The following CACNA2D3 variants were observed in gnomAD, a reference collection of about 807,000 sequenced individuals.
The protein encoded by CACNA2D3 is calcium voltage-gated channel auxiliary subunit alpha2delta 3.
A neutral mutation model predicts 160.6 loss-of-function variants in CACNA2D3; 60 were observed. The observed-to-expected ratio is 0.37, with a 90% CI of 0.30 to 0.46. The LOEUF (loss-of-function observed/expected upper bound fraction) is 0.46, where lower values mean the gene tolerates loss of function less well. Among genes scored for constraint, CACNA2D3 ranks in the 20% least tolerant of loss-of-function variants. The pLI is 1.00. For synonymous variants in CACNA2D3, 558 were observed against 492.9 expected (o/e 1.13, Z -1.75); for missense variants, 1,205 against 1,365.0 (o/e 0.88, Z 1.85).
chr3:54,285,468 A>AGGCC (rs1325517082), intron 2 of CACNA2D3, among the ~76,000 whole-genome samples: 1 of 152,196 alleles, frequency 6.6e-6, no homozygotes, highest in Non-Finnish European at 1.5e-5. Flanking sequence ...CAGCTCAAGG[A>AGGCC]GGCCTGCCTG....
Position 54,670,095 on chromosome 3 carries a change from C to T in CACNA2D3, c.1167+27854C>T, listed in dbSNP as rs181221055. Among the ~76,000 whole-genome samples the T allele has an allele frequency of 1.8e-4, 27 of 152,258 alleles. 1 individual carries two copies. The highest frequency in any genetic ancestry group is 1.1e-3 in the Admixed American group (17 of 15,300). On this transcript the variant is annotated intron_variant, in intron 11 of 37. Transcript: ENST00000474759. ...TTGCTCTCCCCCACAGGAAGCTTGG[C>T]GAAAATTCTGCTGTAGAGTTCATGG...
At chr3:54,317,136 C>A (rs1337170505) in intron 2 of CACNA2D3, among the ~76,000 whole-genome samples, 1 of 152,148 alleles carries the variant, frequency 6.6e-6, no homozygotes, top group East Asian at 1.9e-4. Context: ...CAGCAAAGAG[C>A]TCCTGGGAAT....
chr3:54,301,697 A>G (rs961243294), intron 2 of CACNA2D3, among the ~76,000 whole-genome samples: 2 of 152,090 alleles, frequency 1.3e-5, no homozygotes, highest in African/African-American at 2.4e-5. Flanking sequence ...ATTTTATCCT[A>G]CCCCATGAAA....
At chr3:54,755,852 C>A (rs1460704441) in intron 12 of CACNA2D3, among the ~76,000 whole-genome samples, 4 of 152,024 alleles carry the variant, frequency 2.6e-5, no homozygotes, top group Non-Finnish European at 5.9e-5. Context: ...TTTCTTGCCA[C>A]ATCAGATTGC....
intron 29 of CACNA2D3, among the ~76,000 whole-genome samples, chr3:54,975,224 A>G (rs148570128): frequency 0.011 from 1,659 of 152,288 alleles, 28 homozygotes; most frequent in Middle Eastern, 0.068. Flanking sequence ...AGCAGTGTCT[A>G]TAAAGAAAAT....
At chr3:54,495,277 G>A (rs935144095) in intron 4 of CACNA2D3, among the ~76,000 whole-genome samples, 4 of 150,656 alleles carry the variant, frequency 2.7e-5, no homozygotes, top group African/African-American at 1.0e-4. Flanking sequence ...TTTAACTTGA[G>A]TTCTGTTTCT....
At chr3:54,826,914 G>A (rs989857148) in intron 14 of CACNA2D3, among the ~76,000 whole-genome samples, 8 of 152,184 alleles carry the variant, frequency 5.3e-5, no homozygotes, top group African/African-American at 1.9e-4. Flanking sequence ...AGTCTGGAAT[G>A]GTCTTTATGA....
chr3:54,549,952 A>G (rs988486631), intron 5 of CACNA2D3, among the ~76,000 whole-genome samples: 1 of 152,172 alleles, frequency 6.6e-6, no homozygotes, highest in Middle Eastern at 3.2e-3. Context: ...ATGAGAAGAG[A>G]CTTCCCTGAG....
intron 2 of CACNA2D3, among the ~76,000 whole-genome samples, chr3:54,293,071 C>A (rs895470382): frequency 1.1e-4 from 16 of 152,172 alleles, no homozygotes; most frequent in Non-Finnish European, 2.1e-4. Context: ...ATAAATCAGA[C>A]ACAAAAGGAC....
intron 9 of CACNA2D3, among the ~76,000 whole-genome samples, chr3:54,584,075 C>A (rs1377026963): frequency 6.6e-6 from 1 of 151,954 alleles, no homozygotes; most frequent in East Asian, 1.9e-4. Context: ...ATGCATACCC[C>A]CTTGGCCCTT....
rs746074552 is a variant in CACNA2D3, at chr3:55,074,154, C to T, written c.3224C>T (p.Ala1075Val). 6 of 1,613,878 alleles carry T rather than the reference C, an allele frequency of 3.7e-6. No homozygotes were observed. The South Asian group carries it at 6.6e-5, about 18-fold the overall frequency. ...TGTGGGGGTGCGCCGAGTCTCCAAG[C>T]CCAGACAGTCCTCCTTCTGCTCCCT... The part of the protein sequence containing the change: ...RECGGAPSLQ[A>V]QTVLLLLPLL... Residue 1075 changes from alanine (A) to valine (V), a missense_variant, in exon 38 of 38, where the codon GCC (alanine) becomes GTC (valine). This residue lies in a region of CACNA2D3 where 911 missense variants were observed against 1,002.2 expected (regional missense o/e 0.91). Coordinates refer to ENST00000474759, the MANE Select transcript of CACNA2D3 (RefSeq NM_018398.3).
intron 22 of CACNA2D3, 25 bp from the exon 23 acceptor site, chr3:54,885,464 G>C (rs1168708975): frequency 1.2e-6 from 2 of 1,604,852 alleles, no homozygotes; most frequent in African/African-American, 2.7e-5. Context: ...ACATGCTCTT[G>C]TTTTGGGCCA....
intron 4 of CACNA2D3, among the ~76,000 whole-genome samples, chr3:54,422,656 A>AAAT (rs202046541): frequency 1.7e-3 from 255 of 152,236 alleles, no homozygotes; most frequent in African/African-American, 5.8e-3. Context: ...TCAGTTGGCA[A>AAAT]AATAATAATG....
intron 35 of CACNA2D3, among the ~76,000 whole-genome samples, chr3:55,025,075 G>A (rs2125543): frequency 0.32 from 48,617 of 152,034 alleles, 8,091 homozygotes; most frequent in South Asian, 0.33. Context: ...TTAGTAGAGC[G>A]AGTTAGGGTT....
chr3:54,564,176 T>A (rs1425027372), intron 6 of CACNA2D3, among the ~76,000 whole-genome samples: 1 of 152,156 alleles, frequency 6.6e-6, no homozygotes, highest in African/African-American at 2.4e-5. Flanking sequence ...TATGCGGCAC[T>A]GTGAAGAGGG....
intron 27 of CACNA2D3, among the ~76,000 whole-genome samples, chr3:54,952,653 T>C (rs371958522): frequency 4.7e-4 from 71 of 152,336 alleles, no homozygotes; most frequent in African/African-American, 1.7e-3. Context: ...GCTTCTATTC[T>C]GAAGTCAGAA....
intron 17 of CACNA2D3, among the ~76,000 whole-genome samples, chr3:54,865,952 C>G (rs1252774684): frequency 1.3e-5 from 2 of 152,198 alleles, no homozygotes; most frequent in Non-Finnish European, 2.9e-5. Context: ...GACGTGCACA[C>G]CTAGCCCCAG....
At chr3:54,471,333 T>C (rs1244243063) in intron 4 of CACNA2D3, among the ~76,000 whole-genome samples, 1 of 152,128 alleles carries the variant, frequency 6.6e-6, no homozygotes, top group Non-Finnish European at 1.5e-5. Context: ...GGCAGAAATA[T>C]ATAAGTTCTT....
intron 35 of CACNA2D3, among the ~76,000 whole-genome samples, chr3:55,049,489 CT>C (rs1704139297): frequency 1.5e-5 from 2 of 133,828 alleles, no homozygotes; most frequent in African/African-American, 6.2e-5. Context: ...AATTTCTGTT[CT>C]TTTACATTTG....
Sources: allele counts gnomAD v4.1 joint callset (sites outside exome capture counted in the v4.1 genomes callset), GRCh38; gene constraint gnomAD v4.1.1; regional missense constraint gnomAD v4.1.1; transcripts MANE v1.5; gene names NCBI Gene and HGNC (gene_info 2026-07-23, HGNC 2026-07-21).